The following PPP2R5A variants were observed in gnomAD, a reference collection of about 807,000 sequenced individuals.
The protein encoded by PPP2R5A is protein phosphatase 2 regulatory subunit B'alpha.
In PPP2R5A, 25 loss-of-function variants were observed where a neutral mutation model predicts 64.2. The ratio of observed to expected loss-of-function variants is 0.39; its 90% CI spans 0.28 to 0.54. The LOEUF is 0.54. PPP2R5A is among the 20% of genes least tolerant of loss of function. PPP2R5A has a pLI of 0.67. For synonymous variants in PPP2R5A, 198 were observed against 201.2 expected, an observed-to-expected ratio of 0.98 and a Z score of 0.13; for missense variants, 425 against 576.3, an observed-to-expected ratio of 0.74 and a Z score of 2.69.
intron 1 of PPP2R5A, among the ~76,000 whole-genome samples, chr1:212,328,316 A>C (rs566838449): frequency 6.6e-6 from 1 of 152,224 alleles, no homozygotes; most frequent in African/African-American, 2.4e-5. Context: ...GTTTGTCTCA[A>C]AAAAATAAAA....
rs541418888 is a variant in PPP2R5A at position 212,335,255 on chromosome 1, G to A, written c.480+1657G>A. Among the ~76,000 whole-genome samples, 3 of 152,150 alleles carry A rather than the reference G, an allele frequency of 2.0e-5. No individual in the cohort carries two copies. In the South Asian group the frequency reaches 6.2e-4, roughly 32 times the overall value. On this transcript the variant is annotated intron_variant, in intron 3 of 12. Coordinates refer to ENST00000261461, the MANE Select transcript of PPP2R5A (RefSeq NM_006243.4). ...AGCACTTTGGGAGGCCAAGCTGGGT[G>A]GATCACCTGAGGTCAGGAGTTCCAG...
chr1:212,328,004 G>A (rs1031691807), intron 1 of PPP2R5A, among the ~76,000 whole-genome samples: 2 of 152,134 alleles, frequency 1.3e-5, no homozygotes, highest in South Asian at 2.1e-4. Context: ...TAGTAGAGAC[G>A]GGGTTTTGCC....
chr1:212,301,208 G>A (rs1001643568), intron 1 of PPP2R5A, among the ~76,000 whole-genome samples: 1 of 152,030 alleles, frequency 6.6e-6, no homozygotes, highest in Non-Finnish European at 1.5e-5. Context: ...ACGGGGTTTC[G>A]CCATGTGGGC....
In PPP2R5A at chr1:212,349,206, A is replaced by G; in HGVS notation, c.891A>G (p.Val297=). ...LFHAQLAYCV[V]QFLEKDTTLT... Reference sequence around the variant, plus strand: ...CCTTTTAGCTAGCATATTGTGTTGTACAGTTCCTGGAGAAAGATACAACAC... The same window carrying G: ...CCTTTTAGCTAGCATATTGTGTTGTGCAGTTCCTGGAGAAAGATACAACAC... Residue 297 remains valine, a synonymous_variant, in exon 8 of 13, where the codon GTA becomes GTG. Transcript: ENST00000261461. The G allele has an allele frequency of 1.3e-6, 2 of 1,575,774 alleles. No homozygotes were observed. The highest frequency in any genetic ancestry group is 1.7e-4 in the Middle Eastern group (1 of 5,958).
intron 12 of PPP2R5A, 68 bp downstream of exon 12, chr1:212,358,855 G>GA: frequency 1.6e-6 from 2 of 1,270,066 alleles, no homozygotes; most frequent in Non-Finnish European, 2.2e-6. Flanking sequence ...TTCAGTTCAG[G>GA]AAGGTATCTT....
rs373870487 is a variant in PPP2R5A, at chr1:212,356,695, A to G, written c.978+19A>G. On this transcript the variant is annotated intron_variant, in intron 9 of 12. Coordinates refer to ENST00000261461, the MANE Select transcript of PPP2R5A (RefSeq NM_006243.4). ...GAAAGAGGTGGGTTTTGTTCACTAA[A>G]TGTAGTGCATTTTACTAGAACTTGT... 6.2e-7 allele frequency: 1 copy of G among 1,608,290 alleles called. No homozygotes were observed. Among genetic ancestry groups the G allele is most frequent in the Admixed American group, 1.7e-5 (1 of 58,834 alleles).
rs1281344217 is a variant in PPP2R5A, at chr1:212,329,345, A to G, written c.378+14A>G. On this transcript the variant is annotated intron_variant, in intron 2 of 12. Transcript: ENST00000261461. ...ATAGTAAAAATGGTAAGCCTCTAGA[A>G]TTATGTTCCTCAGATTTATGTAAAT... is the stretch of plus-strand genomic sequence containing the variant. 18 of 1,511,942 alleles carry G rather than the reference A, an allele frequency of 1.2e-5. No homozygotes were observed. The highest frequency in any genetic ancestry group is 1.6e-5 in the Non-Finnish European group (18 of 1,125,396). The allele number at this position is 1,511,942 out of a possible 1,614,324, so 93.7% of individuals were successfully genotyped here. A position where few individuals can be genotyped will look rare whatever the true frequency, so the allele number is the denominator to read the frequency against.
chr1:212,359,169 T>C (rs773121295), intron 12 of PPP2R5A, among the ~76,000 whole-genome samples: 2 of 152,238 alleles, frequency 1.3e-5, no homozygotes, highest in East Asian at 3.8e-4. Flanking sequence ...ATTTTAAATA[T>C]CAATTTGTAC....
At chr1:212,327,594 T>C (rs1350233159) in intron 1 of PPP2R5A, among the ~76,000 whole-genome samples, 1 of 151,968 alleles carries the variant, frequency 6.6e-6, no homozygotes, top group Non-Finnish European at 1.5e-5. Context: ...TTTGTATTTT[T>C]AGTAGAGATG....
At chr1:212,348,538 C>G (rs376025272) in intron 7 of PPP2R5A, 41 bp downstream of exon 7, 7 of 1,355,714 alleles carry the variant, frequency 5.2e-6, no homozygotes, top group Admixed American at 3.8e-5. Context: ...AATATTATTT[C>G]AAAGGCCAAT....
chr1:212,327,754 TACTAGA>T (rs368407872), intron 1 of PPP2R5A, among the ~76,000 whole-genome samples: 14 of 152,032 alleles, frequency 9.2e-5, no homozygotes, highest in African/African-American at 2.9e-4. Context: ...TTGTATTAGA[TACTAGA>T]AAGAGAAAGA....
intron 6 of PPP2R5A, among the ~76,000 whole-genome samples, chr1:212,347,745 C>G (rs1484080183): frequency 6.6e-6 from 1 of 151,986 alleles, no homozygotes; most frequent in Non-Finnish European, 1.5e-5. Flanking sequence ...GGGGTTTCAC[C>G]GTGTTGGCCA....
chr1:212,299,595 A>C (rs1415598047), intron 1 of PPP2R5A: 1 of 152,212 alleles, frequency 6.6e-6, no homozygotes, highest in African/African-American at 2.4e-5. Flanking sequence ...CAATTGGGCT[A>C]ATCTACCACT....
At chr1:212,356,481 T>G in intron 8 of PPP2R5A, 145 bp from the exon 9 acceptor site, 1 of 715,352 alleles carries the variant, frequency 1.4e-6, no homozygotes, top group South Asian at 2.2e-5. Context: ...ATTCTAAAGC[T>G]GAGCAGAAAG....
At chr1:212,319,844 A>G (rs1659232755) in intron 1 of PPP2R5A, among the ~76,000 whole-genome samples, 1 of 151,418 alleles carries the variant, frequency 6.6e-6, no homozygotes, top group Non-Finnish European at 1.5e-5. Context: ...GCTGGTCTCA[A>G]ATTCCTGACC....
intron 1 of PPP2R5A, among the ~76,000 whole-genome samples, chr1:212,288,140 C>A (rs897536271): frequency 1.3e-5 from 2 of 152,142 alleles, no homozygotes; most frequent in African/African-American, 4.8e-5. Flanking sequence ...CCTCAGCCTC[C>A]CAACTAGCTG....
intron 1 of PPP2R5A, among the ~76,000 whole-genome samples, chr1:212,324,884 C>T (rs964874820): frequency 1.3e-5 from 2 of 152,136 alleles, no homozygotes; most frequent in Non-Finnish European, 2.9e-5. Context: ...GGATTACAAG[C>T]ATGAGCCACC....
intron 1 of PPP2R5A, among the ~76,000 whole-genome samples, chr1:212,295,551 G>A (rs748290666): frequency 6.6e-6 from 1 of 152,166 alleles, no homozygotes; most frequent in Admixed American, 6.5e-5. Flanking sequence ...CACTGAAAAT[G>A]GATAGAATGA....
intron 9 of PPP2R5A, 92 bp downstream of exon 9, chr1:212,356,768 G>C: frequency 2.8e-6 from 4 of 1,419,354 alleles, no homozygotes; most frequent in Non-Finnish European, 3.9e-6. Flanking sequence ...CTGTATTGCT[G>C]TTGCTAAAGA....
Sources: allele counts gnomAD v4.1 joint callset (sites outside exome capture counted in the v4.1 genomes callset), GRCh38; gene constraint gnomAD v4.1.1; transcripts MANE v1.5; gene names NCBI Gene and HGNC (gene_info 2026-07-23, HGNC 2026-07-21).